LRRC4C: variants seen among roughly 807,000 people sequenced by gnomAD.
LRRC4C encodes the protein leucine rich repeat containing 4C, also known as leucine-rich repeat-containing protein 4C.
A neutral mutation model predicts 33.6 loss-of-function variants in LRRC4C; 5 were observed. That is an observed-to-expected ratio of 0.15 (90% CI 0.08 to 0.31). The LOEUF (loss-of-function observed/expected upper bound fraction) is 0.31, where lower values mean the gene tolerates loss of function less well. Ranked by LOEUF, LRRC4C falls within the 10% of genes least tolerant of loss-of-function variation. LRRC4C has a pLI of 1.00. For missense variants in LRRC4C, 560 were observed against 796.7 expected (o/e 0.70, Z 3.58); for synonymous variants, 329 against 302.0 (o/e 1.09, Z -0.93).
chr11:40,689,890 A>G (rs1306558449), intron 2 of LRRC4C, among the ~76,000 whole-genome samples: 4 of 152,044 alleles, frequency 2.6e-5, no homozygotes, highest in Admixed American at 6.6e-5. Context: ...TGATTGGGTG[A>G]TTTCTCTCCT....
Position 40,660,097 on chromosome 11 carries a change from C to A in LRRC4C, c.-406-11819G>T, listed in dbSNP as rs191548573. On this transcript the variant is annotated intron_variant, in intron 2 of 6. Coordinates refer to ENST00000528697, the MANE Select transcript of LRRC4C (RefSeq NM_001258419.2). ...CGCCACTGCATTCTCCTTGTCCACA[C>A]ACAGGTGCCTGCAGTGGAAGCTGCT... Among the ~76,000 whole-genome samples the A allele has an allele frequency of 5.2e-4, 79 of 152,360 alleles. 1 individual carries two copies. Among genetic ancestry groups the A allele is most frequent in the African/African-American group, 1.8e-3 (76 of 41,588 alleles).
At chr11:40,533,960 G>GGGCC (rs1382721380) in intron 3 of LRRC4C, among the ~76,000 whole-genome samples, 1 of 152,106 alleles carries the variant, frequency 6.6e-6, no homozygotes, top group Admixed American at 6.6e-5. Flanking sequence ...TATAGACATT[G>GGGCC]CCCAGCACAA....
At chr11:40,752,559 C>T (rs186964815) in intron 2 of LRRC4C, among the ~76,000 whole-genome samples, 40 of 151,804 alleles carry the variant, frequency 2.6e-4, no homozygotes, top group African/African-American at 8.0e-4. Flanking sequence ...TCATCTTACC[C>T]GAGTTACAAT....
intron 1 of LRRC4C, among the ~76,000 whole-genome samples, chr11:41,257,307 G>T (rs1053349727): frequency 6.6e-6 from 1 of 152,026 alleles, no homozygotes; most frequent in Non-Finnish European, 1.5e-5. Context: ...ACTATAAAAA[G>T]TTGGAGTTGT....
chr11:40,479,953 C>T (rs925066180), intron 3 of LRRC4C, among the ~76,000 whole-genome samples: 1 of 152,178 alleles, frequency 6.6e-6, no homozygotes, highest in African/African-American at 2.4e-5. Context: ...TTCCTTGCTT[C>T]TACTGGATGT....
intron 5 of LRRC4C, among the ~76,000 whole-genome samples, chr11:40,169,339 G>A (rs1478278924): frequency 1.3e-5 from 2 of 152,102 alleles, no homozygotes; most frequent in Non-Finnish European, 2.9e-5. Flanking sequence ...AAGGATGCAA[G>A]ACACTCATAC....
chr11:40,652,136 C>G (rs1051827594), intron 2 of LRRC4C, among the ~76,000 whole-genome samples: 1 of 152,174 alleles, frequency 6.6e-6, no homozygotes, highest in African/African-American at 2.4e-5. Flanking sequence ...CTGTTAGGTA[C>G]TATGCTAGAT....
chr11:40,336,926 G>A (rs1259400435), intron 3 of LRRC4C, among the ~76,000 whole-genome samples: 5 of 134,600 alleles, frequency 3.7e-5, no homozygotes. Flanking sequence ...GCAGTGAGCC[G>A]AGATTGCACC....
chr11:40,797,613 C>G (rs1027213972), intron 2 of LRRC4C, among the ~76,000 whole-genome samples: 3 of 152,068 alleles, frequency 2.0e-5, no homozygotes, highest in African/African-American at 7.2e-5. Context: ...ACTCAAAAAT[C>G]TCTACAAGAT....
chr11:40,230,819 A>G (rs1865145752), intron 5 of LRRC4C, among the ~76,000 whole-genome samples: 1 of 152,170 alleles, frequency 6.6e-6, no homozygotes, highest in South Asian at 2.1e-4. Flanking sequence ...TCCTCTATTT[A>G]GTTTCTAGTC....
At chr11:41,441,662 A>G (rs1369867622) in intron 1 of LRRC4C, among the ~76,000 whole-genome samples, 1 of 150,472 alleles carries the variant, frequency 6.6e-6, no homozygotes, top group Non-Finnish European at 1.5e-5. Flanking sequence ...TCTTCCTTCT[A>G]TTTCATTCCT....
intron 3 of LRRC4C, among the ~76,000 whole-genome samples, chr11:40,490,602 G>T (rs1652101592): frequency 6.6e-6 from 1 of 152,112 alleles, no homozygotes; most frequent in African/African-American, 2.4e-5. Context: ...CCTGAGGAGT[G>T]AATTTTACTG....
intron 1 of LRRC4C, among the ~76,000 whole-genome samples, chr11:41,332,964 C>A (rs1252089417): frequency 1.3e-5 from 2 of 152,028 alleles, no homozygotes; most frequent in African/African-American, 2.4e-5. Flanking sequence ...ATCAACAAAG[C>A]AACAGCTTCT....
intron 1 of LRRC4C, among the ~76,000 whole-genome samples, chr11:41,189,412 G>A (rs1279052660): frequency 6.6e-6 from 1 of 152,122 alleles, no homozygotes; most frequent in Non-Finnish European, 1.5e-5. Context: ...GAAGGGCAAT[G>A]TGACTGGAAA....
chr11:41,386,346 T>C lies in LRRC4C; in HGVS notation c.-496+73085A>G, dbSNP rs145769841. Among the ~76,000 whole-genome samples the C allele has an allele frequency of 2.4e-3, 367 of 151,806 alleles. 1 individual carries two copies. Among genetic ancestry groups the C allele is most frequent in the African/African-American group, 7.5e-3 (312 of 41,498 alleles). On this transcript the variant is annotated intron_variant, in intron 1 of 6. Transcript: ENST00000528697. ...TTATTTTGAAATAATTTTTGACTTA[T>C]GGAGGAGTTTCAAAAATAGTATAGA...
chr11:41,261,839 A>G (rs115055084), intron 1 of LRRC4C, among the ~76,000 whole-genome samples: 2,179 of 152,228 alleles, frequency 0.014, 60 homozygotes, highest in African/African-American at 0.05. Context: ...ACTATGAATA[A>G]CATTCACAAA....
At chr11:40,361,739 C>T (rs1234759636) in intron 3 of LRRC4C, among the ~76,000 whole-genome samples, 4 of 152,138 alleles carry the variant, frequency 2.6e-5, no homozygotes, top group Admixed American at 2.0e-4. Flanking sequence ...CATTGACATG[C>T]TTCACAGAAC....
At chr11:40,400,728 A>G (rs1949726806) in intron 3 of LRRC4C, among the ~76,000 whole-genome samples, 1 of 152,120 alleles carries the variant, frequency 6.6e-6, no homozygotes, top group Admixed American at 6.6e-5. Flanking sequence ...TGCTTAAACT[A>G]CAAGGAATAA....
intron 5 of LRRC4C, among the ~76,000 whole-genome samples, chr11:40,223,816 T>G (rs1017769296): frequency 1.3e-5 from 2 of 152,218 alleles, no homozygotes; most frequent in East Asian, 3.8e-4. Flanking sequence ...CTTCCATTCA[T>G]GTATACTTTT....
Sources: allele counts gnomAD v4.1 joint callset (sites outside exome capture counted in the v4.1 genomes callset), GRCh38; gene constraint gnomAD v4.1.1; transcripts MANE v1.5; gene names NCBI Gene and HGNC (gene_info 2026-07-23, HGNC 2026-07-21).